Variants in NLK observed in about 807,000 individuals in gnomAD.
NLK encodes the protein nemo like kinase, also known as serine/threonine-protein kinase NLK.
A neutral mutation model predicts 59.0 loss-of-function variants in NLK; 11 were observed. The ratio of observed to expected loss-of-function variants is 0.19; its 90% CI spans 0.12 to 0.31. The LOEUF is 0.31. NLK is among the 10% of genes least tolerant of loss of function. The pLI, the probability that NLK is intolerant of heterozygous loss-of-function variation, is 1.00. For missense variants in NLK, 410 were observed against 661.1 expected (o/e 0.62, Z 4.16); for synonymous variants, 235 against 235.9 (o/e 1.00, Z 0.03).
intron 1 of NLK, among the ~76,000 whole-genome samples, chr17:28,055,354 G>A (rs906562380): frequency 6.6e-6 from 1 of 151,804 alleles, no homozygotes; most frequent in Admixed American, 6.6e-5. Context: ...GGCTCCCGAA[G>A]TGCTGGGATT....
At chr17:28,057,693 C>T (rs953823719) in intron 1 of NLK, among the ~76,000 whole-genome samples, 1 of 152,058 alleles carries the variant, frequency 6.6e-6, no homozygotes, top group Non-Finnish European at 1.5e-5. Flanking sequence ...GTTATTGTAG[C>T]TTTTTTTAAA....
intron 1 of NLK, among the ~76,000 whole-genome samples, chr17:28,061,761 C>CATATACATATATACATATACATATATAAT (rs1567702363): frequency 4.3e-4 from 62 of 143,750 alleles, no homozygotes; most frequent in East Asian, 1.2e-3. Context: ...CATATATACA[C>CATATACATATATACATATACATATATAAT]ATATACATAT....
chr17:28,131,586 TAAAAAAAAAAAAAA>T (rs35804817), intron 2 of NLK, among the ~76,000 whole-genome samples: 10 of 83,732 alleles, frequency 1.2e-4, no homozygotes, highest in Non-Finnish European at 2.3e-5. Context: ...TTCTCTGTAG[TAAAAAAAAAAAAAA>T]AAAAAAAAAA....
chr17:28,135,978 T>G (rs1394692273), intron 3 of NLK, among the ~76,000 whole-genome samples: 2 of 152,188 alleles, frequency 1.3e-5, no homozygotes, highest in East Asian at 3.9e-4. Context: ...TTAGCATAGT[T>G]ATGGTTTAAA....
chr17:28,192,512 T>C (rs1909342235), intron 10 of NLK, among the ~76,000 whole-genome samples: 2 of 151,830 alleles, frequency 1.3e-5, no homozygotes, highest in Non-Finnish European at 2.9e-5. Context: ...CTTCTAAAAA[T>C]ACAAAATTAG....
chr17:28,072,022 A>G (rs908577298), intron 1 of NLK, among the ~76,000 whole-genome samples: 1 of 152,076 alleles, frequency 6.6e-6, no homozygotes, highest in African/African-American at 2.4e-5. Context: ...TAACCAACCA[A>G]CCACCCAACA....
At chr17:28,153,427 C>T (rs946406168) in intron 3 of NLK, among the ~76,000 whole-genome samples, 3 of 152,120 alleles carry the variant, frequency 2.0e-5, no homozygotes, top group African/African-American at 7.2e-5. Context: ...TGGTGTCTGC[C>T]GAGGGCCCAT....
chr17:28,091,428 C>T (rs983538059), intron 1 of NLK, among the ~76,000 whole-genome samples: 1 of 151,092 alleles, frequency 6.6e-6, no homozygotes, highest in Middle Eastern at 3.2e-3. Flanking sequence ...GAGTACACAG[C>T]GTTTAATTTC....
In NLK at chr17:28,166,190, G is replaced by A. The variant is rs558510374; in HGVS notation, c.838-2258G>A. Reference sequence around the variant, plus strand: ...ACATCATGTCAGTGCACTTCAGTCTGGGTGACAGAGTGAGACTGTCTCAAA... The same window carrying A: ...ACATCATGTCAGTGCACTTCAGTCTAGGTGACAGAGTGAGACTGTCTCAAA... On this transcript the variant is annotated intron_variant, in intron 5 of 10. Coordinates refer to ENST00000407008, the MANE Select transcript of NLK (RefSeq NM_016231.5). Among the ~76,000 whole-genome samples the A allele has an allele frequency of 8.2e-4, 125 of 152,324 alleles. 2 individuals are homozygous for A. The highest frequency in any genetic ancestry group is 8.2e-3 in the Admixed American group (125 of 15,304).
chr17:28,136,023 C>T (rs1399996361), intron 3 of NLK, among the ~76,000 whole-genome samples: 1 of 152,196 alleles, frequency 6.6e-6, no homozygotes, highest in African/African-American at 2.4e-5. Flanking sequence ...CTGTTGGTAG[C>T]AAATTTCAAC....
chr17:28,158,484 TA>T (rs1907874801), intron 3 of NLK, among the ~76,000 whole-genome samples: 1 of 152,218 alleles, frequency 6.6e-6, no homozygotes. Flanking sequence ...CTACACTGTT[TA>T]TTTTTTTAAA....
intron 3 of NLK, among the ~76,000 whole-genome samples, chr17:28,142,630 G>A (rs777134469): frequency 1.3e-5 from 2 of 151,872 alleles, no homozygotes; most frequent in African/African-American, 2.4e-5. Context: ...CATTATCCAC[G>A]CTATTCAATG....
chr17:28,169,711 GCTT>G (rs1303486511), intron 6 of NLK, among the ~76,000 whole-genome samples: 97 of 146,076 alleles, frequency 6.6e-4, no homozygotes, highest in African/African-American at 1.0e-3. Context: ...TTTTTTTGCT[GCTT>G]CTTCTTCTTT....
At chr17:28,179,262 G>A (rs1193463159) in intron 7 of NLK, among the ~76,000 whole-genome samples, 1 of 151,550 alleles carries the variant, frequency 6.6e-6, no homozygotes, top group South Asian at 2.1e-4. Flanking sequence ...TTTCTTTTGA[G>A]ACAGGGTCTC....
chr17:28,139,428 T>A (rs369275205), intron 3 of NLK, among the ~76,000 whole-genome samples: 5 of 152,186 alleles, frequency 3.3e-5, no homozygotes, highest in East Asian at 3.8e-4. Context: ...CTCTGAAGCC[T>A]AGAACAGAAA....
downstream of NLK, among the ~76,000 whole-genome samples, chr17:28,198,031 A>G (rs578151170): frequency 1.3e-3 from 193 of 152,298 alleles, 1 homozygote; most frequent in African/African-American, 4.5e-3. Flanking sequence ...TGCATATAAT[A>G]ATAATGTCTG....
In NLK at chr17:28,191,185, C is replaced by G; in HGVS notation, c.1401C>G (p.Phe467Leu). 6.2e-7 allele frequency: 1 copy of G among 1,612,990 alleles called. No individual in the cohort carries two copies. Among genetic ancestry groups the G allele is most frequent in the Non-Finnish European group, 8.5e-7 (1 of 1,179,542 alleles). ...PVTNPKFDDT[F>L]EKNLSSVRQV... is the part of the protein sequence containing the mutation. ...CCAATCCCAAATTTGATGACACTTT[C>G]GAGAAGAACCTCAGTTCTGTCCGAC... The change falls in exon 9 of 11, where the codon TTC (phenylalanine) becomes TTG (leucine). Residue 467 changes from phenylalanine to leucine, a missense_variant. This residue lies in a region of NLK where 150 missense variants were observed against 244.3 expected (regional missense o/e 0.61). Coordinates refer to ENST00000407008, the MANE Select transcript of NLK (RefSeq NM_016231.5).
intron 3 of NLK, among the ~76,000 whole-genome samples, chr17:28,160,525 A>C (rs910986741): frequency 9.8e-5 from 15 of 152,312 alleles, no homozygotes; most frequent in East Asian, 9.6e-4. Flanking sequence ...CCATGTGTCC[A>C]TTCAGCAAAA....
intron 1 of NLK, among the ~76,000 whole-genome samples, chr17:28,072,147 A>C: frequency 6.6e-6 from 1 of 152,016 alleles, no homozygotes; most frequent in African/African-American, 2.4e-5. Context: ...GTTTTGGTAG[A>C]TGTTTTAACT....
Sources: gnomAD v4.1 joint callset for allele counts (sites outside exome capture counted in the v4.1 genomes callset) on GRCh38, gnomAD v4.1.1 for gene constraint, gnomAD v4.1.1 regional missense constraint, MANE v1.5 for transcripts, NCBI Gene and HGNC (gene_info 2026-07-23, HGNC 2026-07-21) for gene names.